Variants in NUF2 observed in about 807,000 individuals in gnomAD.
NUF2 encodes the protein NUF2 component of NDC80 kinetochore complex.
A neutral mutation model predicts 61.8 loss-of-function variants in NUF2; 34 were observed. The ratio of observed to expected loss-of-function variants is 0.55; its 90% CI spans 0.42 to 0.73. The LOEUF (loss-of-function observed/expected upper bound fraction) is 0.73. NUF2 is among the 30% of genes least tolerant of loss of function. The pLI is 0.00. For missense variants in NUF2, 445 were observed against 539.1 expected (o/e 0.83, Z 1.73); for synonymous variants, 172 against 181.6 (o/e 0.95, Z 0.42).
chr1:163,345,237 A>G (rs1651083818), intron 10 of NUF2, among the ~76,000 whole-genome samples: 1 of 152,142 alleles, frequency 6.6e-6, no homozygotes. Context: ...TAGTAAATAT[A>G]TGTTCATTTT....
chr1:163,325,907 T>C (rs1357020307), intron 1 of NUF2, 125 bp from the exon 2 acceptor site: 3 of 583,866 alleles, frequency 5.1e-6, no homozygotes, highest in Admixed American at 2.7e-5. Context: ...ACTAAGATAT[T>C]TGATGATAGT....
chr1:163,340,417 C>T lies in NUF2; in HGVS notation c.660C>T (p.Thr220=). ...SQKKSNISEK[T]KRLNELKLSV... is the part of the protein sequence containing the mutation. ...AGAAGTCAAATATTTCAGAGAAAAC[C>T]AAGCGTTTGGTAAACATCTTTTCTT... Residue 220 remains threonine (T), a synonymous_variant, in exon 9 of 14, where the codon ACC becomes ACT. Transcript: ENST00000271452. The T allele has an allele frequency of 6.2e-7, 1 of 1,608,706 alleles. No individual in the cohort carries two copies. Among genetic ancestry groups the T allele is most frequent in the South Asian group, 1.1e-5 (1 of 90,564 alleles).
chr1:163,325,860 AT>A (rs1650400385), intron 1 of NUF2, among the ~76,000 whole-genome samples, 171 bp from the exon 2 acceptor site: 1 of 152,188 alleles, frequency 6.6e-6, no homozygotes, highest in Non-Finnish European at 1.5e-5. Flanking sequence ...AATAAAAGTA[AT>A]TTTAGGATAC....
Position 163,327,553 on chromosome 1 carries a change from T to G in NUF2, c.189T>G (p.His63Gln), listed in dbSNP as rs1218461570. 1 of 1,604,120 alleles carries G rather than the reference T, an allele frequency of 6.2e-7. No individual in the cohort carries two copies. The highest frequency in any genetic ancestry group is 8.5e-7 in the Non-Finnish European group (1 of 1,171,240). ...LQIVYGIRLE[H>Q]FYMMPVNSEV... ...TAGTATATGGAATTCGACTGGAACA[T>G]TTTTACATGGTGAGTTTAAGATGAG... is the stretch of plus-strand genomic sequence containing the variant. The change falls in exon 3 of 14, where the codon CAT becomes CAG. Residue 63 changes from histidine to glutamine, a missense_variant. Transcript: ENST00000271452.
chr1:163,342,689 G>T (rs193295961), intron 9 of NUF2, among the ~76,000 whole-genome samples: 5 of 151,826 alleles, frequency 3.3e-5, no homozygotes, highest in South Asian at 2.1e-4. Flanking sequence ...TATGTATATA[G>T]AGAGAGGGGA....
chr1:163,337,910 T>A, intron 6 of NUF2, 110 bp from the exon 7 acceptor site: 1 of 788,748 alleles, frequency 1.3e-6, no homozygotes, highest in Non-Finnish European at 2.2e-6. Context: ...CCTAACTCTA[T>A]CTTAAATTTT....
chr1:163,353,313 A>G (rs1053348624), intron 13 of NUF2, among the ~76,000 whole-genome samples: 21 of 152,188 alleles, frequency 1.4e-4, no homozygotes, highest in Non-Finnish European at 2.9e-4. Context: ...GTAAGACTCC[A>G]TGGATAGTGT....
At chr1:163,353,941 A>G (rs907571476) in intron 13 of NUF2, among the ~76,000 whole-genome samples, 2 of 152,214 alleles carry the variant, frequency 1.3e-5, no homozygotes, top group Non-Finnish European at 2.9e-5. Flanking sequence ...GTTCAGATAC[A>G]TACAGATTGT....
At chr1:163,343,971 A>G in intron 10 of NUF2, 101 bp downstream of exon 10, 1 of 636,102 alleles carries the variant, frequency 1.6e-6, no homozygotes, top group East Asian at 3.5e-5. Context: ...AATTATCTAT[A>G]CTTCTCTTCC....
At chr1:163,324,371 G>C (rs1341096802) in intron 1 of NUF2, among the ~76,000 whole-genome samples, 2 of 152,196 alleles carry the variant, frequency 1.3e-5, no homozygotes, top group Non-Finnish European at 2.9e-5. Context: ...GTGGGAAAAA[G>C]TTGCATTGAG....
chr1:163,331,838 C>G (rs1053283310), intron 5 of NUF2, among the ~76,000 whole-genome samples: 3 of 151,878 alleles, frequency 2.0e-5, no homozygotes, highest in Admixed American at 2.0e-4. Flanking sequence ...AACATCTTCT[C>G]TATCATTTCT....
chr1:163,322,616 G>A (rs1011151512), intron 1 of NUF2, among the ~76,000 whole-genome samples: 2 of 152,160 alleles, frequency 1.3e-5, no homozygotes, highest in African/African-American at 2.4e-5. Flanking sequence ...TTGAAGTTGG[G>A]AGCCATTTCT....
At chr1:163,340,659 A>G (rs1179990580) in intron 9 of NUF2, among the ~76,000 whole-genome samples, 2 of 152,226 alleles carry the variant, frequency 1.3e-5, no homozygotes, top group East Asian at 3.8e-4. Flanking sequence ...TCTGATTTAT[A>G]TCAAAGATTG....
chr1:163,338,254 A>G (rs911847536), intron 7 of NUF2, among the ~76,000 whole-genome samples, 161 bp downstream of exon 7: 2 of 146,948 alleles, frequency 1.4e-5, no homozygotes, highest in African/African-American at 2.5e-5. Context: ...AAAAAAAAGA[A>G]AAAACTAGTT....
chr1:163,345,317 G>A (rs1323000193), intron 10 of NUF2, among the ~76,000 whole-genome samples: 1 of 152,004 alleles, frequency 6.6e-6, no homozygotes, highest in Admixed American at 6.6e-5. Flanking sequence ...ACAAATGAAT[G>A]GGAAGATTAT....
In NUF2 at chr1:163,355,745, A is replaced by AT; in HGVS notation, c.*283dup. On this transcript the variant is annotated 3_prime_UTR_variant, in exon 14 of 14. Coordinates refer to ENST00000271452, the MANE Select transcript of NUF2 (RefSeq NM_145697.3). ...AACTAGTTACCTTTGAAATATATAT[A>AT]TTTTTTTCTGTTACTATCATGGCTG... The AT allele has an allele frequency of 5.2e-6, 1 of 192,994 alleles. No homozygotes were observed. 12.0% of individuals were successfully genotyped at this position (192,994 alleles called of 1,614,324 possible). A position where few individuals can be genotyped will look rare whatever the true frequency, so the allele number is the denominator to read the frequency against.
At chr1:163,346,766 G>A (rs1651141560) in intron 11 of NUF2, among the ~76,000 whole-genome samples, 1 of 152,040 alleles carries the variant, frequency 6.6e-6, no homozygotes, top group Non-Finnish European at 1.5e-5. Context: ...GAGGTGGGAG[G>A]ATCACTTGAG....
intron 9 of NUF2, among the ~76,000 whole-genome samples, chr1:163,341,919 C>T (rs1026226646): frequency 2.6e-5 from 4 of 152,104 alleles, no homozygotes; most frequent in East Asian, 1.9e-4. Context: ...TGTGAGCCAC[C>T]GCACCCGGCC....
intron 13 of NUF2, among the ~76,000 whole-genome samples, chr1:163,352,474 C>A (rs1651353588): frequency 6.6e-6 from 1 of 152,232 alleles, no homozygotes; most frequent in African/African-American, 2.4e-5. Context: ...AGTATTTCAA[C>A]AAATGGCCAA....
Sources: gnomAD v4.1 joint callset for allele counts (sites outside exome capture counted in the v4.1 genomes callset) on GRCh38, gnomAD v4.1.1 for gene constraint, MANE v1.5 for transcripts, NCBI Gene and HGNC (gene_info 2026-07-23, HGNC 2026-07-21) for gene names.